SUGCT: variants seen among roughly 807,000 people sequenced by gnomAD.
SUGCT encodes succinyl-CoA:glutarate CoA-transferase.
A neutral mutation model predicts 55.0 loss-of-function variants in SUGCT; 41 were observed. That is an observed-to-expected ratio of 0.74 (90% confidence interval 0.58 to 0.97). The LOEUF (loss-of-function observed/expected upper bound fraction) is 0.97. Ranked by LOEUF, SUGCT falls within the 50% of genes least tolerant of loss-of-function variation. The pLI, the probability that SUGCT is intolerant of heterozygous loss-of-function variation, is 0.00. For missense variants in SUGCT, 568 were observed against 547.8 expected (o/e 1.04, Z -0.37); for synonymous variants, 187 against 200.4 (o/e 0.93, Z 0.56).
At chr7:40,375,588 AC>A (rs1362135066) in intron 9 of SUGCT, among the ~76,000 whole-genome samples, 1 of 152,062 alleles carries the variant, frequency 6.6e-6, no homozygotes, top group East Asian at 1.9e-4. Flanking sequence ...TAGACTCTTT[AC>A]CTATTAGCAC....
intron 7 of SUGCT, among the ~76,000 whole-genome samples, chr7:40,239,880 T>C (rs931275327): frequency 1.3e-5 from 2 of 152,192 alleles, no homozygotes; most frequent in African/African-American, 2.4e-5. Context: ...CTTTCATTCC[T>C]TAATTAAGTT....
At chr7:40,998,561 A>G in the SUGCT span, among the ~76,000 whole-genome samples, 9 of 152,196 alleles carry the variant, frequency 5.9e-5, no homozygotes, top group Non-Finnish European at 1.2e-4. Context: ...ATAAATTAGT[A>G]TCTTTTCTGA....
intron 13 of SUGCT, among the ~76,000 whole-genome samples, chr7:40,828,626 T>C (rs892032985): frequency 8.1e-5 from 11 of 136,510 alleles, no homozygotes; most frequent in Non-Finnish European, 1.3e-4. Context: ...TAAAAAAAGA[T>C]ACAAAAGAAT....
At chr7:40,718,118 A>G (rs570683651) in intron 12 of SUGCT, among the ~76,000 whole-genome samples, 3 of 152,214 alleles carry the variant, frequency 2.0e-5, no homozygotes, top group Non-Finnish European at 2.9e-5. Context: ...GGTCATTTGT[A>G]TCAAATCATA....
At chr7:40,630,832 G>A (rs1229969349) in intron 12 of SUGCT, among the ~76,000 whole-genome samples, 2 of 130,980 alleles carry the variant, frequency 1.5e-5, no homozygotes, top group Non-Finnish European at 3.1e-5. Flanking sequence ...TTATAAACTG[G>A]TCTGTGTGTC....
intron 12 of SUGCT, among the ~76,000 whole-genome samples, chr7:40,670,075 A>G (rs1801856132): frequency 6.6e-6 from 1 of 151,490 alleles, no homozygotes; most frequent in African/African-American, 2.4e-5. Flanking sequence ...CTACAGAGGA[A>G]ATACAATTTG....
At chr7:40,749,411 T>C (rs563235493) in intron 12 of SUGCT, 23 bp from the exon 13 acceptor site, 323 of 1,599,996 alleles carry the variant, frequency 2.0e-4, no homozygotes, top group Non-Finnish European at 2.6e-4. Context: ...AAATTATTTT[T>C]CTCTCTGTTT....
At chr7:40,236,122 A>G (rs182630680) in intron 6 of SUGCT, among the ~76,000 whole-genome samples, 54 of 152,124 alleles carry the variant, frequency 3.5e-4, no homozygotes, top group Middle Eastern at 3.4e-3. Flanking sequence ...CGGTGGTGCA[A>G]TCTCGGCTCA....
At chr7:40,157,174 C>A (rs1475739910) in intron 1 of SUGCT, among the ~76,000 whole-genome samples, 1 of 152,034 alleles carries the variant, frequency 6.6e-6, no homozygotes, top group African/African-American at 2.4e-5. Context: ...AGATCGTAAA[C>A]CCAGTAACGC....
intron 12 of SUGCT, among the ~76,000 whole-genome samples, chr7:40,500,830 A>G (rs73122147): frequency 0.027 from 4,049 of 152,068 alleles, 77 homozygotes; most frequent in Middle Eastern, 0.051. Flanking sequence ...CCCAAAATAC[A>G]GTTATTTTTC....
At chr7:40,526,073 G>C (rs2151584579) in intron 12 of SUGCT, among the ~76,000 whole-genome samples, 1 of 152,264 alleles carries the variant, frequency 6.6e-6, no homozygotes, top group Non-Finnish European at 1.5e-5. Context: ...GTTTTATGAA[G>C]ATTTTTACTG....
At position 40,231,411 on chromosome 7, in the gene SUGCT, A is replaced by G. The variant is rs374258062; in HGVS notation, c.485-6224A>G. Among the ~76,000 whole-genome samples, 5 of 152,224 alleles carry G rather than the reference A, an allele frequency of 3.3e-5. No individual in the cohort carries two copies. The East Asian group carries it at 7.7e-4, about 23-fold the overall frequency. On this transcript the variant is annotated intron_variant, in intron 6 of 13. Coordinates refer to ENST00000335693, the MANE Select transcript of SUGCT (RefSeq NM_001193313.2). ...TAGAGGAGAGAGATATCCATCAAAA[A>G]TATAAAAGTATCCACTAGTGATAAG...
At chr7:40,392,506 T>C (rs1785499331) in intron 9 of SUGCT, among the ~76,000 whole-genome samples, 1 of 151,994 alleles carries the variant, frequency 6.6e-6, no homozygotes, top group Non-Finnish European at 1.5e-5. Context: ...AAAGCACATC[T>C]TATTATTGTT....
the SUGCT span, among the ~76,000 whole-genome samples, chr7:41,001,130 T>C: frequency 3.3e-5 from 5 of 152,208 alleles, no homozygotes; most frequent in African/African-American, 1.2e-4. Context: ...TATATAAAAA[T>C]GATATTTAAC....
chr7:40,801,848 T>C (rs1483785613), intron 13 of SUGCT, among the ~76,000 whole-genome samples: 2 of 151,724 alleles, frequency 1.3e-5, no homozygotes, highest in African/African-American at 4.8e-5. Context: ...GATGTATACA[T>C]CTAAAAATGC....
At position 40,553,229 on chromosome 7, in the gene SUGCT, A is replaced by C. The variant is rs148932800; in HGVS notation, c.1089+56843A>C. ...AAATGAAAACTGATGCATTAAAGAA[A>C]GAATGAGTTGAATTTGAGGTATGGG... On this transcript the variant is annotated intron_variant, in intron 12 of 13. Coordinates refer to ENST00000335693, the MANE Select transcript of SUGCT (RefSeq NM_001193313.2). Among the ~76,000 whole-genome samples, 461 of 152,362 alleles carry C rather than the reference A, an allele frequency of 3.0e-3. 7 individuals carry two copies. Among genetic ancestry groups the C allele is most frequent in the East Asian group, 0.03 (156 of 5,186 alleles).
At chr7:40,708,980 G>A (rs922712036) in intron 12 of SUGCT, among the ~76,000 whole-genome samples, 7 of 152,132 alleles carry the variant, frequency 4.6e-5, no homozygotes, top group Admixed American at 1.3e-4. Flanking sequence ...GAACATAGAG[G>A]AGCAGTAAAC....
chr7:40,612,313 A>G (rs954896011), intron 12 of SUGCT, among the ~76,000 whole-genome samples: 1 of 152,202 alleles, frequency 6.6e-6, no homozygotes, highest in Non-Finnish European at 1.5e-5. Context: ...GCTGATCATT[A>G]TGATCCATAT....
chr7:40,968,961 GAGACCAC>G, the SUGCT span, among the ~76,000 whole-genome samples: 1 of 152,326 alleles, frequency 6.6e-6, no homozygotes, highest in African/African-American at 2.4e-5. Flanking sequence ...GCAGCTCCCA[GAGACCAC>G]AGTCCCACCC....
Sources: allele counts gnomAD v4.1 joint callset (sites outside exome capture counted in the v4.1 genomes callset), GRCh38; gene constraint gnomAD v4.1.1; transcripts MANE v1.5; gene names NCBI Gene and HGNC (gene_info 2026-07-23, HGNC 2026-07-21).